LETM1: variants seen among roughly 807,000 people sequenced by gnomAD.
LETM1 encodes the protein mitochondrial proton/calcium exchanger protein.
In LETM1, 50 loss-of-function variants were observed where a neutral mutation model predicts 74.5. The observed-to-expected ratio is 0.67, with a 90% CI of 0.53 to 0.85. The LOEUF is 0.85. Among genes scored for constraint, LETM1 ranks in the 40% least tolerant of loss-of-function variants. The probability of loss-of-function intolerance (pLI) is 0.00; values close to 1 mark genes in which losing one functional copy is unlikely to be tolerated. For synonymous variants in LETM1, 446 were observed against 407.1 expected (o/e 1.10, Z -1.15); for missense variants, 824 against 967.8 (o/e 0.85, Z 1.97).
chr4:1,839,855 C>G (rs1053600097), intron 3 of LETM1, among the ~76,000 whole-genome samples: 6 of 152,250 alleles, frequency 3.9e-5, no homozygotes, highest in African/African-American at 1.2e-4. Flanking sequence ...CCCTGGGAAG[C>G]ATGGAAGATC....
chr4:1,817,243 TC>T (rs1166309440), intron 11 of LETM1, among the ~76,000 whole-genome samples: 374 of 28,892 alleles, frequency 0.013, no homozygotes, highest in Middle Eastern at 0.025. Context: ...AGACTCTGTC[TC>T]CAAAAAAAAA....
At chr4:1,814,815 G>A (rs1711508592) in intron 13 of LETM1, among the ~76,000 whole-genome samples, 1 of 152,216 alleles carries the variant, frequency 6.6e-6, no homozygotes, top group African/African-American at 2.4e-5. Context: ...GTGGCAGACA[G>A]CACAATGGGG....
chr4:1,816,965 G>A (rs765789043), intron 11 of LETM1, 51 bp from the exon 12 acceptor site: 21 of 1,472,602 alleles, frequency 1.4e-5, no homozygotes, highest in Non-Finnish European at 1.9e-5. Context: ...GAAAAAGGGG[G>A]TCAGGTGTAG....
chr4:1,835,156 C>A (rs1712419646), intron 4 of LETM1, among the ~76,000 whole-genome samples, 174 bp from the exon 5 acceptor site: 1 of 152,170 alleles, frequency 6.6e-6, no homozygotes, highest in African/African-American at 2.4e-5. Context: ...TAAAAAGTAC[C>A]CGTGTGGGCC....
rs1301401630 is a variant in LETM1, at chr4:1,836,398, C to G, written c.738+31G>C. ...CATCACAATGAATTTCAGACTCATT[C>G]TAAAACAAGCAGTTGGGATGCTGCC... On this transcript the variant is annotated intron_variant, in intron 4 of 13. Coordinates refer to ENST00000302787, the MANE Select transcript of LETM1 (RefSeq NM_012318.3). This position sits in a 1 kb window ranked among gnomAD's most constrained non-coding sequence, Gnocchi z 5.8. The G allele has an allele frequency of 6.8e-6, 11 of 1,611,394 alleles. No homozygotes were observed. The East Asian group carries it at 2.0e-4, about 29-fold the overall frequency.
At position 1,814,113 on chromosome 4, in the gene LETM1, G is replaced by A; in HGVS notation, c.*311C>T. 2.5e-6 allele frequency: 1 copy of A among 392,844 alleles called. No homozygotes were observed. The highest frequency in any genetic ancestry group is 2.4e-5 in the South Asian group (1 of 41,840). The allele number at this position is 392,844 out of a possible 1,614,324, so 24.3% of individuals were successfully genotyped here. ...GGACAGGGCAGCACAGTCAGATGCT[G>A]AGACTGAGGCCACACACATGGGGGC... On this transcript the variant is annotated 3_prime_UTR_variant, in exon 14 of 14. Coordinates refer to ENST00000302787, the MANE Select transcript of LETM1 (RefSeq NM_012318.3).
intron 5 of LETM1, 60 bp from the exon 6 acceptor site, chr4:1,833,007 G>T: frequency 1.4e-6 from 2 of 1,472,454 alleles, no homozygotes; most frequent in South Asian, 2.3e-5. Context: ...TCCCTCCCAC[G>T]ACCAACCACA....
intron 2 of LETM1, 149 bp from the exon 3 acceptor site, chr4:1,841,946 G>C (rs1486399763): frequency 3.0e-6 from 2 of 675,750 alleles, no homozygotes; most frequent in African/African-American, 3.6e-5. Flanking sequence ...CTGACGTTTT[G>C]CACTGCCCGC....
At chr4:1,839,914 T>A (rs1712628102) in intron 3 of LETM1, among the ~76,000 whole-genome samples, 2 of 152,132 alleles carry the variant, frequency 1.3e-5, no homozygotes, top group East Asian at 1.9e-4. Flanking sequence ...TTGACCTGCA[T>A]CCTTTGCACT....
In LETM1 at chr4:1,855,871, C is replaced by A; in HGVS notation, c.80G>T (p.Arg27Leu). 2 of 1,234,644 alleles carry A rather than the reference C, an allele frequency of 1.6e-6. No individual in the cohort carries two copies. Among genetic ancestry groups the A allele is most frequent in the Non-Finnish European group, 2.0e-6 (2 of 990,984 alleles). The allele number at this position is 1,234,644 out of a possible 1,614,324, so 76.5% of individuals were successfully genotyped here. A position where few individuals can be genotyped will look rare whatever the true frequency, so the allele number is the denominator to read the frequency against. ...LPPPPRYTVP[R>L]GSPGDPAHLS... Reference sequence around the variant, plus strand: ...GCCCTGGGGTGCCCGCCGCTTACCCCGCGGGACGGTGTACCGAGGCGGCGG... The same window carrying A: ...GCCCTGGGGTGCCCGCCGCTTACCCAGCGGGACGGTGTACCGAGGCGGCGG... The change falls in exon 1 of 14, where the codon CGG becomes CTG. Residue 27 changes from arginine to leucine, a missense_variant and splice_region_variant. By Grantham distance (102) the Arg-to-Leu change is moderately radical. Around this residue, in one of 4 missense-constraint regions of LETM1, gnomAD observed 222 missense variants for 195.6 expected, o/e 1.14. Transcript: ENST00000302787.
intron 13 of LETM1, among the ~76,000 whole-genome samples, chr4:1,814,894 C>CA (rs1390793809): frequency 1.3e-5 from 2 of 152,290 alleles, no homozygotes; most frequent in East Asian, 3.9e-4. Flanking sequence ...AGTGGGGTGA[C>CA]ATGCAGGGAC....
intron 13 of LETM1, 111 bp from the exon 14 acceptor site, chr4:1,814,684 C>T (rs1303800921): frequency 4.7e-6 from 4 of 859,388 alleles, no homozygotes; most frequent in South Asian, 1.5e-5. Flanking sequence ...GCAGCATGCA[C>T]GCAATCACTG....
chr4:1,811,834 T>TA lies in LETM1; in HGVS notation c.*2589dup, dbSNP rs975666549. The TA allele has an allele frequency of 5.3e-5, 8 of 152,332 alleles. No individual in the cohort carries two copies. Among genetic ancestry groups the TA allele is most frequent in the African/African-American group, 1.9e-4 (8 of 41,454 alleles). The allele number at this position is 152,332 out of a possible 1,614,324, so 9.4% of individuals were successfully genotyped here. ...GGCCGGGCGCGGTGGCTCATGCCTGTAATCCCAGCACTTTGGGAGGCTGAG... is the reference window on the plus strand; with the variant it reads ...GGCCGGGCGCGGTGGCTCATGCCTGTAAATCCCAGCACTTTGGGAGGCTGAG... On this transcript the variant is annotated 3_prime_UTR_variant, in exon 14 of 14. Transcript: ENST00000302787.
chr4:1,847,502 A>G (rs1042720817), intron 2 of LETM1, among the ~76,000 whole-genome samples: 1 of 151,756 alleles, frequency 6.6e-6, no homozygotes, highest in African/African-American at 2.4e-5. Flanking sequence ...GGGAGGAACA[A>G]CTGCTGGAGA....
intron 6 of LETM1, among the ~76,000 whole-genome samples, chr4:1,828,163 A>G (rs1473314692): frequency 1.1e-5 from 1 of 88,678 alleles, no homozygotes; most frequent in East Asian, 3.9e-4. Flanking sequence ...ACTTCCCAGT[A>G]GGGGCGGCCG....
intron 1 of LETM1, among the ~76,000 whole-genome samples, chr4:1,853,692 G>A (rs1713145109): frequency 6.6e-6 from 1 of 152,166 alleles, no homozygotes. Flanking sequence ...ATCTGAATAT[G>A]TTATGGACTT....
At chr4:1,844,934 G>A (rs1274720631) in intron 2 of LETM1, among the ~76,000 whole-genome samples, 1 of 148,404 alleles carries the variant, frequency 6.7e-6, no homozygotes, top group Non-Finnish European at 1.5e-5. Context: ...GCTCACGCCT[G>A]TAATCCTAGC....
chr4:1,850,789 A>AC lies in LETM1; in HGVS notation c.83-1581dup, dbSNP rs202118755. 4.3e-3 allele frequency among the ~76,000 whole-genome samples: 648 copies of AC among 151,912 alleles called. 3 individuals are homozygous for AC. Among genetic ancestry groups the AC allele is most frequent in the African/African-American group, 0.015 (613 of 41,418 alleles). ...AGACCAGCCTGGCCCACATGGTGAAACCCCATCTCCACAAAAATAAAAAAA... is the reference window on the plus strand; with the variant it reads ...AGACCAGCCTGGCCCACATGGTGAAACCCCCATCTCCACAAAAATAAAAAAA... On this transcript the variant is annotated intron_variant, in intron 1 of 13. Coordinates refer to ENST00000302787, the MANE Select transcript of LETM1 (RefSeq NM_012318.3).
intron 13 of LETM1, 144 bp from the exon 14 acceptor site, chr4:1,814,717 G>A: frequency 1.5e-6 from 1 of 680,992 alleles, no homozygotes; most frequent in South Asian, 1.7e-5. Context: ...AGGGTCCTCA[G>A]AGCACCAATT....
Sources: allele counts gnomAD v4.1 joint callset (sites outside exome capture counted in the v4.1 genomes callset), GRCh38; gene constraint gnomAD v4.1.1; regional missense constraint gnomAD v4.1.1; non-coding constraint Gnocchi (gnomAD v3.1); transcripts MANE v1.5; gene names NCBI Gene and HGNC (gene_info 2026-07-23, HGNC 2026-07-21).